Variants in EYA4 observed in about 807,000 individuals in gnomAD.
EYA4 encodes the protein EYA transcriptional coactivator and phosphatase 4, also known as protein phosphatase EYA4.
EYA4 carries 31 observed loss-of-function variants against 87.9 expected under a neutral mutation model. That is an observed-to-expected ratio of 0.35 (90% CI 0.27 to 0.48). EYA4 has a LOEUF of 0.48. Ranked by LOEUF, EYA4 falls within the 20% of genes least tolerant of loss-of-function variation. The pLI, the probability that EYA4 is intolerant of heterozygous loss-of-function variation, is 0.99. For missense variants in EYA4, 678 were observed against 761.4 expected (o/e 0.89, Z 1.29); for synonymous variants, 263 against 270.6 (o/e 0.97, Z 0.28).
At chr6:133,430,044 A>G (rs911680757) in intron 3 of EYA4, among the ~76,000 whole-genome samples, 5 of 151,996 alleles carry the variant, frequency 3.3e-5, no homozygotes, top group African/African-American at 9.7e-5. Context: ...ATTAGTCCCT[A>G]GTGTCTATTG....
intron 2 of EYA4, among the ~76,000 whole-genome samples, chr6:133,347,049 G>A (rs903945306): frequency 2.6e-5 from 4 of 152,116 alleles, no homozygotes; most frequent in Non-Finnish European, 4.4e-5. Context: ...TTATTTCAAC[G>A]GTCAAAAAAG....
At chr6:133,435,881 A>AC (rs762528758) in intron 3 of EYA4, among the ~76,000 whole-genome samples, 11 of 151,084 alleles carry the variant, frequency 7.3e-5, no homozygotes, top group South Asian at 2.1e-4. Flanking sequence ...ACACACACAC[A>AC]CCCCCCCTCA....
intron 2 of EYA4, among the ~76,000 whole-genome samples, chr6:133,305,457 T>G (rs796724211): frequency 3.3e-4 from 51 of 152,262 alleles, no homozygotes; most frequent in African/African-American, 7.5e-4. Context: ...AACTTGTAAA[T>G]CACTTCATAT....
At chr6:133,322,705 G>A (rs1781186715) in intron 2 of EYA4, among the ~76,000 whole-genome samples, 1 of 152,152 alleles carries the variant, frequency 6.6e-6, no homozygotes, top group Admixed American at 6.5e-5. Flanking sequence ...ATAAGACTAT[G>A]TCTTAACTAC....
chr6:133,426,837 A>G (rs186013062), intron 3 of EYA4, among the ~76,000 whole-genome samples: 80 of 152,350 alleles, frequency 5.3e-4, no homozygotes, highest in Admixed American at 1.4e-3. Context: ...TGGCACCTGC[A>G]TCATATCTCC....
rs765265001 is a variant in EYA4 at position 133,430,033 on chromosome 6, G to A, written c.84-16597G>A. Among the ~76,000 whole-genome samples the A allele has an allele frequency of 3.9e-5, 6 of 152,132 alleles. 1 individual carries two copies. In the Middle Eastern group the frequency reaches 0.01, roughly 259 times the overall value. Reference sequence around the variant, plus strand: ...CTTGCCCCTCCCTCCTTCCCACCTCGATTAGTCCCTAGTGTCTATTGTTCC... The same window carrying A: ...CTTGCCCCTCCCTCCTTCCCACCTCAATTAGTCCCTAGTGTCTATTGTTCC... On this transcript the variant is annotated intron_variant, in intron 3 of 19. Coordinates refer to ENST00000355286, the MANE Select transcript of EYA4 (RefSeq NM_004100.5).
chr6:133,338,851 T>A (rs1583001274), intron 2 of EYA4, among the ~76,000 whole-genome samples: 1 of 12,902 alleles, frequency 7.8e-5, no homozygotes, highest in Admixed American at 7.2e-4. Context: ...AATTGCTTCT[T>A]TTTTTTTTTT....
intron 3 of EYA4, among the ~76,000 whole-genome samples, chr6:133,430,032 C>T (rs1188996157): frequency 2.0e-5 from 3 of 152,090 alleles, no homozygotes; most frequent in African/African-American, 7.2e-5. Flanking sequence ...CTTCCCACCT[C>T]GATTAGTCCC....
chr6:133,488,937 A>G (rs1207854169), intron 13 of EYA4, among the ~76,000 whole-genome samples: 1 of 152,218 alleles, frequency 6.6e-6, no homozygotes, highest in Non-Finnish European at 1.5e-5. Flanking sequence ...TCAATCCTAG[A>G]GAGATGGAGA....
At chr6:133,414,698 C>A (rs1789553755) in intron 3 of EYA4, among the ~76,000 whole-genome samples, 2 of 152,188 alleles carry the variant, frequency 1.3e-5, no homozygotes, top group African/African-American at 4.8e-5. Flanking sequence ...ATTTGTTTTC[C>A]ATTTCCCAGG....
intron 2 of EYA4, among the ~76,000 whole-genome samples, chr6:133,304,836 A>G (rs779610006): frequency 2.6e-5 from 4 of 152,166 alleles, no homozygotes; most frequent in Non-Finnish European, 5.9e-5. Flanking sequence ...GGAATACAGC[A>G]CTAAACGTGA....
At chr6:133,294,297 G>A (rs1215199617) in intron 2 of EYA4, among the ~76,000 whole-genome samples, 3 of 149,554 alleles carry the variant, frequency 2.0e-5, no homozygotes, top group Admixed American at 2.0e-4. Flanking sequence ...TTAGTCCACT[G>A]AGGAAATATA....
intron 2 of EYA4, among the ~76,000 whole-genome samples, chr6:133,286,184 C>A (rs571264060): frequency 3.9e-5 from 6 of 152,148 alleles, no homozygotes; most frequent in African/African-American, 1.4e-4. Context: ...AATGGGGATC[C>A]CCAGTTATGA....
At chr6:133,286,237 G>A (rs755540828) in intron 2 of EYA4, among the ~76,000 whole-genome samples, 1 of 152,204 alleles carries the variant, frequency 6.6e-6, no homozygotes, top group Non-Finnish European at 1.5e-5. Context: ...GGCACATTCT[G>A]AGGGGAGTGT....
At chr6:133,349,299 G>A (rs1019912855) in intron 2 of EYA4, among the ~76,000 whole-genome samples, 2 of 152,044 alleles carry the variant, frequency 1.3e-5, no homozygotes, top group Middle Eastern at 3.2e-3. Context: ...CATTCTCTAG[G>A]TAGCATAATA....
At chr6:133,442,255 G>A (rs1249503623) in intron 3 of EYA4, among the ~76,000 whole-genome samples, 2 of 151,948 alleles carry the variant, frequency 1.3e-5, no homozygotes, top group African/African-American at 4.8e-5. Flanking sequence ...AATCAATAGC[G>A]ATTGAAGCAT....
At chr6:133,292,295 A>G (rs1172235252) in intron 2 of EYA4, among the ~76,000 whole-genome samples, 1 of 152,230 alleles carries the variant, frequency 6.6e-6, no homozygotes, top group African/African-American at 2.4e-5. Context: ...TCAATTTGCT[A>G]ATCTTCAAAG....
intron 2 of EYA4, among the ~76,000 whole-genome samples, chr6:133,300,998 CT>C (rs1554220811): frequency 6.6e-6 from 1 of 152,176 alleles, no homozygotes; most frequent in Non-Finnish European, 1.5e-5. Flanking sequence ...TAAGAAACAT[CT>C]TGCTAAAGGC....
intron 5 of EYA4, among the ~76,000 whole-genome samples, chr6:133,454,446 G>A (rs1172639420): frequency 6.6e-6 from 1 of 152,164 alleles, no homozygotes; most frequent in Non-Finnish European, 1.5e-5. Context: ...AGGCAGTATG[G>A]TTTAAGAGTT....
Sources: allele counts gnomAD v4.1 joint callset (sites outside exome capture counted in the v4.1 genomes callset), GRCh38; gene constraint gnomAD v4.1.1; transcripts MANE v1.5; gene names NCBI Gene and HGNC (gene_info 2026-07-23, HGNC 2026-07-21).